TASP1: variants seen among roughly 807,000 people sequenced by gnomAD.
TASP1 encodes the protein taspase 1, also known as threonine aspartase 1.
Under a neutral mutation model 56.6 loss-of-function variants are expected in TASP1, and 16 were observed. The observed-to-expected ratio is 0.28, with a 90% CI of 0.19 to 0.43. The LOEUF is 0.43. Among genes scored for constraint, TASP1 ranks in the 20% least tolerant of loss-of-function variants. The pLI, the probability that TASP1 is intolerant of heterozygous loss-of-function variation, is 1.00. For synonymous variants in TASP1, 179 were observed against 184.2 expected (o/e 0.97, Z 0.23); for missense variants, 393 against 511.6 (o/e 0.77, Z 2.24).
intron 12 of TASP1, among the ~76,000 whole-genome samples, chr20:13,430,211 G>A (rs926881993): frequency 5.3e-5 from 8 of 152,174 alleles, no homozygotes; most frequent in Non-Finnish European, 8.8e-5. Flanking sequence ...CTCATTAGAC[G>A]AAAGGGCTTA....
the TASP1 span, chr20:13,126,622 A>G: frequency 6.2e-7 from 1 of 1,613,990 alleles, no homozygotes; most frequent in East Asian, 2.2e-5. Context: ...GTTCACTCGC[A>G]TAGTGCTGTT....
chr20:13,137,526 T>A, the TASP1 span, among the ~76,000 whole-genome samples: 1 of 152,160 alleles, frequency 6.6e-6, no homozygotes, highest in South Asian at 2.1e-4. Context: ...TATGATGATA[T>A]TCCCTATTCT....
the TASP1 span, among the ~76,000 whole-genome samples, chr20:13,285,063 G>A: frequency 1.3e-5 from 2 of 152,196 alleles, no homozygotes; most frequent in Non-Finnish European, 2.9e-5. Context: ...AAGGCAGGAG[G>A]ATTGCCTGAA....
chr20:13,224,841 CTTTT>C, the TASP1 span, among the ~76,000 whole-genome samples: 3 of 107,246 alleles, frequency 2.8e-5, no homozygotes, highest in South Asian at 3.1e-4. Context: ...AGCTTTCTTT[CTTTT>C]TTTTTTTTTT....
the TASP1 span, among the ~76,000 whole-genome samples, chr20:13,311,243 T>TGATAGATTGATA: frequency 4.7e-5 from 6 of 127,924 alleles, no homozygotes; most frequent in African/African-American, 1.8e-4. Flanking sequence ...GATAGATAGA[T>TGATAGATTGATA]GATAGATAGA....
the TASP1 span, among the ~76,000 whole-genome samples, chr20:13,285,013 A>C: frequency 2.0e-5 from 3 of 152,210 alleles, no homozygotes; most frequent in African/African-American, 7.2e-5. Flanking sequence ...CAGGCCAGGC[A>C]TGGTGACGTA....
At chr20:13,269,089 G>C in the TASP1 span, among the ~76,000 whole-genome samples, 3 of 152,160 alleles carry the variant, frequency 2.0e-5, no homozygotes, top group African/African-American at 7.2e-5. Context: ...GAGGCACTGT[G>C]GTGGGGGGCA....
At chr20:13,294,641 C>T in the TASP1 span, among the ~76,000 whole-genome samples, 11 of 152,150 alleles carry the variant, frequency 7.2e-5, 1 homozygote, top group African/African-American at 2.7e-4. Flanking sequence ...AACTGAGGAG[C>T]CTTTGGTGAG....
the TASP1 span, among the ~76,000 whole-genome samples, chr20:13,357,568 C>G: frequency 2.6e-5 from 4 of 152,142 alleles, no homozygotes; most frequent in Admixed American, 6.5e-5. Context: ...AGATCAATTA[C>G]TCTGCAAAAA....
the TASP1 span, among the ~76,000 whole-genome samples, chr20:13,187,035 A>G: frequency 6.6e-6 from 1 of 152,208 alleles, no homozygotes; most frequent in East Asian, 1.9e-4. Flanking sequence ...TAAAACTCTA[A>G]GAGAATCAAG....
At chr20:13,299,749 G>A in the TASP1 span, 1 of 331,772 alleles carries the variant, frequency 3.0e-6, no homozygotes. This position sits in a 1 kb window ranked among gnomAD's most constrained non-coding sequence, Gnocchi z 5.8. Flanking sequence ...AAGCCACAGT[G>A]GGTGCGACTC....
intron 8 of TASP1, among the ~76,000 whole-genome samples, chr20:13,547,247 A>G (rs2045842224): frequency 1.3e-5 from 2 of 152,222 alleles, no homozygotes; most frequent in Admixed American, 1.3e-4. Flanking sequence ...AATTCAATTA[A>G]CACTTATTAA....
chr20:13,476,780 T>C (rs544051978), intron 11 of TASP1, among the ~76,000 whole-genome samples: 3 of 152,258 alleles, frequency 2.0e-5, no homozygotes, highest in Admixed American at 1.3e-4. Flanking sequence ...ATTTATATTT[T>C]CCTTATTTTG....
intron 6 of TASP1, among the ~76,000 whole-genome samples, chr20:13,577,165 T>C (rs1218516706): frequency 2.0e-5 from 3 of 152,120 alleles, no homozygotes; most frequent in Non-Finnish European, 2.9e-5. Flanking sequence ...AAGGAGTACA[T>C]GTTAAATCTC....
the TASP1 span, chr20:13,221,655 TGGCGGGAGCCGA>T: frequency 1.9e-5 from 16 of 834,074 alleles, no homozygotes; most frequent in African/African-American, 9.2e-5. Flanking sequence ...AGCGGAGCCC[TGGCGGGAGCCGA>T]GGCGGGAGCC....
the TASP1 span, among the ~76,000 whole-genome samples, chr20:13,106,309 C>T: frequency 6.6e-6 from 1 of 152,016 alleles, no homozygotes; most frequent in African/African-American, 2.4e-5. Context: ...AAGACTAGGG[C>T]GAGAAGGATG....
At chr20:13,124,945 C>A in the TASP1 span, among the ~76,000 whole-genome samples, 1 of 152,162 alleles carries the variant, frequency 6.6e-6, no homozygotes, top group Non-Finnish European at 1.5e-5. Context: ...GAAGACATAG[C>A]GAAGACACCT....
intron 4 of TASP1, among the ~76,000 whole-genome samples, chr20:13,619,386 A>G (rs1261952267): frequency 2.0e-5 from 3 of 152,188 alleles, no homozygotes; most frequent in Non-Finnish European, 4.4e-5. Context: ...ATTATTACTC[A>G]TTAGACTTTT....
intron 11 of TASP1, among the ~76,000 whole-genome samples, chr20:13,442,092 C>T (rs1198681407): frequency 6.6e-6 from 1 of 152,068 alleles, no homozygotes; most frequent in African/African-American, 2.4e-5. Flanking sequence ...CTAAGATTTC[C>T]CCCTGGGCCC....
Sources: gnomAD v4.1 joint callset for allele counts (sites outside exome capture counted in the v4.1 genomes callset) on GRCh38, gnomAD v4.1.1 for gene constraint, Gnocchi (gnomAD v3.1) non-coding constraint, MANE v1.5 for transcripts, NCBI Gene and HGNC (gene_info 2026-07-23, HGNC 2026-07-21) for gene names.